ZNF337: variants seen among roughly 807,000 people sequenced by gnomAD.
ZNF337 encodes the protein zinc finger protein 337.
Under a neutral mutation model 12.1 loss-of-function variants are expected in ZNF337, and 8 were observed. The ratio of observed to expected loss-of-function variants is 0.66; its 90% CI spans 0.39 to 1.19. The LOEUF (loss-of-function observed/expected upper bound fraction) is 1.19. Ranked by LOEUF, ZNF337 falls within the 50% of genes most tolerant of loss-of-function variation. The pLI is 0.01. For missense variants in ZNF337, 882 were observed against 896.6 expected (o/e 0.98, Z 0.21); for synonymous variants, 336 against 320.0 (o/e 1.05, Z -0.53).
chr20:25,683,237 TCA>T (rs2065788711), intron 4 of ZNF337, among the ~76,000 whole-genome samples: 1 of 150,398 alleles, frequency 6.6e-6, no homozygotes, highest in Non-Finnish European at 1.5e-5. Context: ...AGAATCATCA[TCA>T]TCATCATCAT....
Position 25,674,914 on chromosome 20 carries a change from G to A in ZNF337, c.*118C>T. On this transcript the variant is annotated 3_prime_UTR_variant, in exon 5 of 5. Transcript: ENST00000252979. ...GAATTCAGGTTCTCTGTAGCCCTCT[G>A]GATTCTGTCTGCCTCTGTTATATCT... is the stretch of plus-strand genomic sequence containing the variant. 2.2e-6 allele frequency: 2 copies of A among 912,420 alleles called. No individual in the cohort carries two copies. The highest frequency in any genetic ancestry group is 3.3e-6 in the Non-Finnish European group (2 of 606,898). The allele number at this position is 912,420 out of a possible 1,614,324, so 56.5% of individuals were successfully genotyped here.
rs776710884 is a variant in ZNF337 at position 25,675,020 on chromosome 20, T to A, written c.*12A>T. On this transcript the variant is annotated 3_prime_UTR_variant, in exon 5 of 5. Coordinates refer to ENST00000252979, the MANE Select transcript of ZNF337 (RefSeq NM_015655.4). ...CCTGAGTGTGTCCTCTGATGGATGG[T>A]GAGATATAACTTCAAGATGAAGCCT... 1 of 1,603,162 alleles carries A rather than the reference T, an allele frequency of 6.2e-7. No homozygotes were observed. The highest frequency in any genetic ancestry group is 8.5e-7 in the Non-Finnish European group (1 of 1,173,688).
At position 25,673,823 on chromosome 20, in the gene ZNF337, C is replaced by T. The variant is rs1039688365; in HGVS notation, c.*1209G>A. 1 of 152,134 alleles carries T rather than the reference C, an allele frequency of 6.6e-6. No homozygotes were observed. Among genetic ancestry groups the T allele is most frequent in the Non-Finnish European group, 1.5e-5 (1 of 68,024 alleles). 9.4% of individuals were successfully genotyped at this position (152,134 alleles called of 1,614,324 possible). On this transcript the variant is annotated 3_prime_UTR_variant, in exon 5 of 5. Coordinates refer to ENST00000252979, the MANE Select transcript of ZNF337 (RefSeq NM_015655.4). Reference sequence around the variant, plus strand: ...TTCTGCAGGTGGTAATGCAGATCGGCGATAATCAGTCTACTCTGCTCTTTG... The same window carrying T: ...TTCTGCAGGTGGTAATGCAGATCGGTGATAATCAGTCTACTCTGCTCTTTG...
intron 1 of ZNF337, among the ~76,000 whole-genome samples, chr20:25,690,960 C>G (rs544997805): frequency 1.3e-5 from 2 of 152,064 alleles, no homozygotes; most frequent in African/African-American, 4.8e-5. Context: ...GAAAACATGG[C>G]CCAATAAGTG....
intron 1 of ZNF337, among the ~76,000 whole-genome samples, chr20:25,690,376 A>T (rs2065874188): frequency 6.6e-6 from 1 of 152,248 alleles, no homozygotes; most frequent in African/African-American, 2.4e-5. Context: ...TGTCTAATGG[A>T]AAAATCTCAT....
At chr20:25,691,834 T>G (rs2122467650) in intron 1 of ZNF337, among the ~76,000 whole-genome samples, 1 of 152,338 alleles carries the variant, frequency 6.6e-6, no homozygotes, top group East Asian at 1.9e-4. Context: ...TTTTCTAAAT[T>G]ACCAGTTATG....
At chr20:25,691,244 G>C (rs1358392632) in intron 1 of ZNF337, among the ~76,000 whole-genome samples, 1 of 152,148 alleles carries the variant, frequency 6.6e-6, no homozygotes, top group Non-Finnish European at 1.5e-5. Flanking sequence ...AACATAAAGA[G>C]AAGAATTTGA....
chr20:25,675,218 A>G lies in ZNF337; in HGVS notation c.2070T>C (p.Cys690=). 6.2e-7 allele frequency: 1 copy of G among 1,614,214 alleles called. No homozygotes were observed. The part of the protein sequence containing the change: ...SKEKPFVCQE[C]KRGYTSKSDL... ...CTGACTTACTGGTATAGCCTCGCTT[A>G]CACTCCTGGCAAACAAAAGGCTTCT... Residue 690 remains cysteine, a synonymous_variant, in exon 5 of 5, where the codon TGT becomes TGC. Coordinates refer to ENST00000252979, the MANE Select transcript of ZNF337 (RefSeq NM_015655.4).
chr20:25,696,278 A>G (rs953376763), intron 1 of ZNF337, among the ~76,000 whole-genome samples: 3 of 152,068 alleles, frequency 2.0e-5, no homozygotes, highest in African/African-American at 7.2e-5. Context: ...GGAGCATCAG[A>G]GTCGGAGGGA....
rs1179757570 is a variant in ZNF337 at position 25,674,252 on chromosome 20, G to A, written c.*780C>T. 1 of 152,176 alleles carries A rather than the reference G, an allele frequency of 6.6e-6. No individual in the cohort carries two copies. Among genetic ancestry groups the A allele is most frequent in the Non-Finnish European group, 1.5e-5 (1 of 68,052 alleles). 9.4% of individuals were successfully genotyped at this position (152,176 alleles called of 1,614,324 possible). A position where few individuals can be genotyped will look rare whatever the true frequency, so the allele number is the denominator to read the frequency against. On this transcript the variant is annotated 3_prime_UTR_variant, in exon 5 of 5. Transcript: ENST00000252979. ...ACTTTATTTTCCCAGAGTTCTGGAG[G>A]CTGGGAAGTTCAACATCAAAACATC...
At chr20:25,696,724 C>A in intron 1 of ZNF337, 35 bp downstream of exon 1, 1 of 985,202 alleles carries the variant, frequency 1.0e-6, no homozygotes, top group Non-Finnish European at 1.2e-6. Context: ...CGGAAGGGCG[C>A]GCTGCAGAGA....
At chr20:25,680,806 A>G (rs1022108833) in intron 4 of ZNF337, 10 of 152,226 alleles carry the variant, frequency 6.6e-5, no homozygotes, top group Non-Finnish European at 1.2e-4. Flanking sequence ...GCACTGAACC[A>G]GCTTTGTCAT....
intron 4 of ZNF337, among the ~76,000 whole-genome samples, chr20:25,678,729 T>C (rs977229201): frequency 1.6e-4 from 24 of 152,140 alleles, no homozygotes; most frequent in African/African-American, 5.1e-4. Context: ...GCGGATTGCT[T>C]GAGGCTAGGA....
At chr20:25,677,474 C>T (rs1174184018) in intron 4 of ZNF337, 1 of 155,640 alleles carries the variant, frequency 6.4e-6, no homozygotes, top group African/African-American at 2.4e-5. Context: ...GACCAAAAGA[C>T]ATATGATCAT....
At position 25,695,734 on chromosome 20, in the gene ZNF337, A is replaced by G. The variant is rs142412315; in HGVS notation, c.-50+1025T>C. ...TTTTTTTATTTTTCTAATTTCATGT[A>G]GAGACAGGGTCTTGCTGTGCTGCCC... On this transcript the variant is annotated intron_variant, in intron 1 of 4. Coordinates refer to ENST00000252979, the MANE Select transcript of ZNF337 (RefSeq NM_015655.4). Among the ~76,000 whole-genome samples the G allele has an allele frequency of 1.5e-3, 231 of 152,100 alleles. 1 individual carries two copies. The highest frequency in any genetic ancestry group is 5.3e-3 in the African/African-American group (219 of 41,480).
chr20:25,683,648 C>T (rs1169439775), intron 4 of ZNF337, among the ~76,000 whole-genome samples: 1 of 152,062 alleles, frequency 6.6e-6, no homozygotes, highest in East Asian at 1.9e-4. Context: ...AAATCAAAAC[C>T]ACAATGAGAT....
In ZNF337 at chr20:25,675,344, C is replaced by A. The variant is rs771524582; in HGVS notation, c.1944G>T (p.Arg648Ser). Residue 648 changes from arginine to serine, a missense_variant, in exon 5 of 5, where the codon AGG (arginine) becomes AGT (serine). Physicochemically the swap from Arg to Ser is moderately radical, Grantham distance 110. Coordinates refer to ENST00000252979, the MANE Select transcript of ZNF337 (RefSeq NM_015655.4). ...CGAAGGGCTTCTCCCCTGAGTGTGT[C>A]CTCTGGTGTGTGAGGAGATTTCCCT... ...NWKGNLLTHQRTHSGEKPFVC... is the reference protein window; with the variant it reads ...NWKGNLLTHQSTHSGEKPFVC... The A allele has an allele frequency of 1.2e-6, 2 of 1,614,122 alleles. No homozygotes were observed. The highest frequency in any genetic ancestry group is 1.1e-5 in the South Asian group (1 of 91,068).
At chr20:25,692,306 G>A (rs940444217) in intron 1 of ZNF337, among the ~76,000 whole-genome samples, 31 of 152,156 alleles carry the variant, frequency 2.0e-4, no homozygotes, top group African/African-American at 7.5e-4. Flanking sequence ...TGCTAATTTT[G>A]TTGAGTATGA....
At chr20:25,686,171 C>T (rs926486) in intron 2 of ZNF337, 49 bp from the exon 3 acceptor site, 58 of 1,609,866 alleles carry the variant, frequency 3.6e-5, no homozygotes, top group South Asian at 3.2e-4. Context: ...GTTGCACTCA[C>T]GCAGTTGGAG....
Sources: allele counts gnomAD v4.1 joint callset (sites outside exome capture counted in the v4.1 genomes callset), GRCh38; gene constraint gnomAD v4.1.1; transcripts MANE v1.5; gene names NCBI Gene and HGNC (gene_info 2026-07-23, HGNC 2026-07-21).